The following LPAR1 variants were observed in gnomAD, a reference collection of about 807,000 sequenced individuals.
The protein encoded by LPAR1 is LPA receptor 1.
In LPAR1, 5 loss-of-function variants were observed where a neutral mutation model predicts 23.8. The observed-to-expected ratio is 0.21, with a 90% CI of 0.11 to 0.44. The LOEUF is 0.44. LPAR1 is among the 20% of genes least tolerant of loss of function. The pLI, the probability that LPAR1 is intolerant of heterozygous loss-of-function variation, is 0.99. For missense variants in LPAR1, 311 were observed against 482.8 expected (o/e 0.64, Z 3.33); for synonymous variants, 160 against 164.7 (o/e 0.97, Z 0.22).
At chr9:110,989,217 T>TTATC (rs1274657088) in intron 2 of LPAR1, among the ~76,000 whole-genome samples, 1 of 152,090 alleles carries the variant, frequency 6.6e-6, no homozygotes, top group African/African-American at 2.4e-5. Flanking sequence ...TGATTGCACA[T>TTATC]TATCTATCTA....
At chr9:110,953,109 T>G (rs975261311) in intron 4 of LPAR1, among the ~76,000 whole-genome samples, 2 of 152,258 alleles carry the variant, frequency 1.3e-5, no homozygotes, top group South Asian at 2.1e-4. Flanking sequence ...TCACTAATAC[T>G]GCTATCTCCC....
At chr9:110,930,915 CA>C (rs1257736099) in intron 5 of LPAR1, among the ~76,000 whole-genome samples, 1 of 150,982 alleles carries the variant, frequency 6.6e-6, no homozygotes, top group Non-Finnish European at 1.5e-5. Flanking sequence ...AATTCCGTCA[CA>C]AAAACAAAAA....
At position 110,942,221 on chromosome 9, in the gene LPAR1, A is replaced by G. The variant is rs1792298339; in HGVS notation, c.46-53T>C. Reference sequence around the variant, plus strand: ...AAAAAGAAGGCACAGGTCCAAATTTAAAGCTTATATAGATAACACAAGACT... The same window carrying G: ...AAAAAGAAGGCACAGGTCCAAATTTGAAGCTTATATAGATAACACAAGACT... On this transcript the variant is annotated intron_variant, in intron 4 of 5. Coordinates refer to ENST00000683809, the MANE Select transcript of LPAR1 (RefSeq NM_001351411.2). 31 of 1,508,158 alleles carry G rather than the reference A, an allele frequency of 2.1e-5. 1 individual carries two copies. In the South Asian group the frequency reaches 4.0e-4, roughly 20 times the overall value. The allele number at this position is 1,508,158 out of a possible 1,614,324, so 93.4% of individuals were successfully genotyped here.
intron 2 of LPAR1, among the ~76,000 whole-genome samples, chr9:111,032,919 A>G (rs191195842): frequency 2.8e-4 from 42 of 152,326 alleles, no homozygotes; most frequent in Admixed American, 5.2e-4. Flanking sequence ...TTTTTCTTTT[A>G]GAGAAAAATG....
At chr9:110,996,677 A>G (rs1460322761) in intron 2 of LPAR1, among the ~76,000 whole-genome samples, 2 of 152,186 alleles carry the variant, frequency 1.3e-5, no homozygotes, top group Non-Finnish European at 2.9e-5. Flanking sequence ...AATCTTTTGT[A>G]TTCCCAGATT....
At chr9:111,015,427 A>C (rs1449554601) in intron 2 of LPAR1, among the ~76,000 whole-genome samples, 2 of 152,160 alleles carry the variant, frequency 1.3e-5, no homozygotes, top group East Asian at 3.9e-4. Flanking sequence ...TTACTGCCTT[A>C]ACTCAAGCCC....
chr9:110,958,852 AAG>A (rs1463719992), intron 4 of LPAR1, among the ~76,000 whole-genome samples: 1 of 145,920 alleles, frequency 6.9e-6, no homozygotes, highest in Non-Finnish European at 1.5e-5. Context: ...CAAACAAGTC[AAG>A]AGTTAAAAAA....
At chr9:110,892,758 GGGGAGGAAGGGAAGGAAGGAAGGAA>G (rs1235129690) in intron 5 of LPAR1, among the ~76,000 whole-genome samples, 17 of 140,614 alleles carry the variant, frequency 1.2e-4, no homozygotes, top group African/African-American at 3.4e-4. Context: ...GAGGGAGGAA[GGGGAGGAAGGGAAGGAAGGAAGGAA>G]GGAAGGAAGG....
At chr9:110,935,974 G>T (rs1341134184) in intron 5 of LPAR1, among the ~76,000 whole-genome samples, 1 of 152,074 alleles carries the variant, frequency 6.6e-6, no homozygotes, top group Admixed American at 6.6e-5. Context: ...TTCCTCAAAG[G>T]TGATCATCAT....
intron 5 of LPAR1, among the ~76,000 whole-genome samples, chr9:110,917,546 A>G (rs1039049518): frequency 2.6e-5 from 4 of 152,214 alleles, no homozygotes; most frequent in African/African-American, 9.6e-5. Flanking sequence ...CAGACCACCA[A>G]CCTTCACTGA....
At chr9:110,916,310 T>C (rs965259893) in intron 5 of LPAR1, among the ~76,000 whole-genome samples, 3 of 152,206 alleles carry the variant, frequency 2.0e-5, no homozygotes, top group Non-Finnish European at 4.4e-5. Flanking sequence ...ATGACGGAGC[T>C]GGGATCTTAC....
At chr9:110,908,276 GC>G (rs1345719116) in intron 5 of LPAR1, among the ~76,000 whole-genome samples, 2 of 149,300 alleles carry the variant, frequency 1.3e-5, no homozygotes, top group Admixed American at 6.7e-5. Context: ...TTGTTTAAAT[GC>G]TTTTATAATT....
At chr9:110,904,478 A>T (rs2090533561) in intron 5 of LPAR1, among the ~76,000 whole-genome samples, 1 of 152,240 alleles carries the variant, frequency 6.6e-6, no homozygotes, top group Non-Finnish European at 1.5e-5. Flanking sequence ...AAAACTATTC[A>T]AAGAGGTATA....
At chr9:110,908,985 AAAGG>A (rs752730467) in intron 5 of LPAR1, among the ~76,000 whole-genome samples, 1 of 152,150 alleles carries the variant, frequency 6.6e-6, no homozygotes, top group Non-Finnish European at 1.5e-5. Context: ...CTTTCTTGGG[AAAGG>A]ACCTTCAGGC....
Position 111,023,066 on chromosome 9 carries a change from A to C in LPAR1, c.-182+13056T>G, listed in dbSNP as rs947611195. ...ACTCCGTCTCAACAAAAAAAAAAAA[A>C]AAAAAAAAAAACCCTGCTATTTAGC... is the stretch of plus-strand genomic sequence containing the variant. On this transcript the variant is annotated intron_variant, in intron 2 of 5. Transcript: ENST00000683809. Among the ~76,000 whole-genome samples the C allele has an allele frequency of 1.6e-3, 241 of 151,594 alleles. 1 individual carries two copies. The highest frequency in any genetic ancestry group is 3.6e-3 in the Admixed American group (55 of 15,232).
chr9:110,896,233 T>C (rs923404946), intron 5 of LPAR1, among the ~76,000 whole-genome samples: 14 of 152,204 alleles, frequency 9.2e-5, no homozygotes, highest in African/African-American at 3.4e-4. Context: ...GGGCCCTCAT[T>C]ATATTTTCAA....
intron 2 of LPAR1, among the ~76,000 whole-genome samples, chr9:111,031,407 G>GAAAAAAAAAAA (rs1354085692): frequency 1.1e-5 from 1 of 89,962 alleles, no homozygotes; most frequent in East Asian, 3.3e-4. Flanking sequence ...AAAAAAAAAA[G>GAAAAAAAAAAA]AAAAAAAAAA....
At chr9:110,916,021 T>C (rs979441629) in intron 5 of LPAR1, among the ~76,000 whole-genome samples, 2 of 152,028 alleles carry the variant, frequency 1.3e-5, no homozygotes, top group African/African-American at 4.8e-5. Context: ...GTTAAAATGT[T>C]AGATGTTAAA....
Position 110,941,782 on chromosome 9 carries a change from G to T in LPAR1, c.432C>A (p.Ile144=). The T allele has an allele frequency of 6.2e-7, 1 of 1,614,170 alleles. No individual in the cohort carries two copies. Among genetic ancestry groups the T allele is most frequent in the South Asian group, 1.1e-5 (1 of 91,082 alleles). ...ASVANLLAIA[I]ERHITVFRMQ... is the part of the protein sequence containing the mutation. Reference sequence around the variant, plus strand: ...TGCGGAAAACCGTAATGTGCCTCTCGATTGCAATAGCCAGTAAGTTGGCCA... The same window carrying T: ...TGCGGAAAACCGTAATGTGCCTCTCTATTGCAATAGCCAGTAAGTTGGCCA... The change falls in exon 5 of 6, where the codon ATC becomes ATA. Residue 144 remains isoleucine, a synonymous_variant. Transcript: ENST00000683809. This position sits in a 1 kb window ranked among gnomAD's most constrained non-coding sequence, Gnocchi z 6.1.
Sources: gnomAD v4.1 joint callset for allele counts (sites outside exome capture counted in the v4.1 genomes callset) on GRCh38, gnomAD v4.1.1 for gene constraint, Gnocchi (gnomAD v3.1) non-coding constraint, MANE v1.5 for transcripts, NCBI Gene and HGNC (gene_info 2026-07-23, HGNC 2026-07-21) for gene names.